Variants in GALNT2 observed in about 807,000 individuals in gnomAD.
GALNT2 encodes the protein UDP-GalNAc:polypeptide N-acetylgalactosaminyltransferase 2.
A neutral mutation model predicts 81.4 loss-of-function variants in GALNT2; 31 were observed. The ratio of observed to expected loss-of-function variants is 0.38; its 90% CI spans 0.29 to 0.51. GALNT2 has a LOEUF of 0.51. Among genes scored for constraint, GALNT2 ranks in the 20% least tolerant of loss-of-function variants. GALNT2 has a pLI of 0.87. For missense variants in GALNT2, 629 were observed against 765.7 expected, an observed-to-expected ratio of 0.82 and a Z score of 2.11; for synonymous variants, 303 against 287.4, an observed-to-expected ratio of 1.05 and a Z score of -0.55.
At position 230,271,058 on chromosome 1, in the gene GALNT2, C is replaced by T. The variant is rs1666148137; in HGVS notation, c.1441-3387C>T. 6.6e-6 allele frequency among the ~76,000 whole-genome samples: 1 copy of T among 152,222 alleles called. No individual in the cohort carries two copies. Among genetic ancestry groups the T allele is most frequent in the South Asian group, 2.1e-4 (1 of 4,834 alleles). On this transcript the variant is annotated intron_variant, in intron 14 of 15. Coordinates refer to ENST00000366672, the MANE Select transcript of GALNT2 (RefSeq NM_004481.5). The surrounding 1 kb of genome is among the most constrained non-coding windows in gnomAD (Gnocchi z 4.2). ...ACCATCCAGCATCCGCCAACACCTG[C>T]TGCCAGGGACAGTCTGGAACCCTTC...
intron 14 of GALNT2, among the ~76,000 whole-genome samples, chr1:230,266,989 GACACACACACAC>G (rs35956776): frequency 4.1e-5 from 6 of 146,678 alleles, no homozygotes; most frequent in African/African-American, 5.1e-5. Flanking sequence ...GCACGTGTGT[GACACACACACAC>G]ACACACACAC....
At chr1:230,242,848 C>T (rs527908829) in intron 6 of GALNT2, among the ~76,000 whole-genome samples, 35 of 152,290 alleles carry the variant, frequency 2.3e-4, no homozygotes, top group African/African-American at 8.4e-4. Flanking sequence ...TTATTTAGCT[C>T]CTGATAAGTC....
chr1:230,128,922 T>G (rs977278633), intron 1 of GALNT2, among the ~76,000 whole-genome samples: 2 of 152,226 alleles, frequency 1.3e-5, no homozygotes, highest in African/African-American at 4.8e-5. Context: ...CCTGGCACTT[T>G]GTGGATGTTT....
intron 1 of GALNT2, among the ~76,000 whole-genome samples, chr1:230,082,932 C>T (rs796326421): frequency 6.9e-5 from 10 of 145,276 alleles, no homozygotes; most frequent in East Asian, 4.2e-4. Context: ...ATGATGGAGC[C>T]GGGAGCTGGG....
chr1:230,139,179 C>T (rs1184369757), intron 1 of GALNT2, among the ~76,000 whole-genome samples: 1 of 152,186 alleles, frequency 6.6e-6, no homozygotes, highest in African/African-American at 2.4e-5. Flanking sequence ...CGGCTTTGGT[C>T]CCCTCACCTT....
intron 2 of GALNT2, among the ~76,000 whole-genome samples, chr1:230,179,572 A>G (rs1028785462): frequency 1.3e-5 from 2 of 152,226 alleles, no homozygotes; most frequent in African/African-American, 4.8e-5. Context: ...GCATCTTTTC[A>G]TAGGCTTATT....
chr1:230,235,232 A>G (rs1429369529), intron 3 of GALNT2, among the ~76,000 whole-genome samples: 1 of 151,720 alleles, frequency 6.6e-6, no homozygotes, highest in Non-Finnish European at 1.5e-5. Context: ...AAAAAAAAAA[A>G]AAAAAGCTAC....
intron 10 of GALNT2, 111 bp downstream of exon 10, chr1:230,250,671 T>G: frequency 1.5e-6 from 1 of 680,066 alleles, no homozygotes; most frequent in East Asian, 2.7e-5. Flanking sequence ...TTCACTGGGC[T>G]TAATCGATCC....
intron 6 of GALNT2, among the ~76,000 whole-genome samples, chr1:230,237,226 T>G (rs1422557801): frequency 6.6e-6 from 1 of 152,226 alleles, no homozygotes; most frequent in African/African-American, 2.4e-5. Context: ...GTGCTGGAGC[T>G]GAGCTCATGA....
intron 1 of GALNT2, among the ~76,000 whole-genome samples, chr1:230,142,407 G>A (rs780181938): frequency 9.9e-5 from 15 of 152,164 alleles, no homozygotes; most frequent in Non-Finnish European, 1.6e-4. Flanking sequence ...CTCAGAGGCT[G>A]TATGGTGAAG....
At chr1:230,242,119 G>A (rs1412162198) in intron 6 of GALNT2, among the ~76,000 whole-genome samples, 1 of 152,094 alleles carries the variant, frequency 6.6e-6, no homozygotes, top group Non-Finnish European at 1.5e-5. Context: ...ACATTGCAGT[G>A]GATTGGAGCG....
At chr1:230,168,992 C>A (rs932561264) in intron 1 of GALNT2, among the ~76,000 whole-genome samples, 15 of 152,030 alleles carry the variant, frequency 9.9e-5, no homozygotes, top group Non-Finnish European at 2.2e-4. Context: ...TTGTTATGAC[C>A]TTGACGGTTT....
intron 3 of GALNT2, among the ~76,000 whole-genome samples, chr1:230,235,376 A>G (rs1664995940): frequency 6.6e-6 from 1 of 152,110 alleles, no homozygotes; most frequent in Non-Finnish European, 1.5e-5. Flanking sequence ...GTTCTTCCCT[A>G]CTGCTGGAAG....
At chr1:230,202,547 G>C (rs994112500) in intron 2 of GALNT2, among the ~76,000 whole-genome samples, 7 of 152,302 alleles carry the variant, frequency 4.6e-5, no homozygotes, top group African/African-American at 1.7e-4. Context: ...CCCCTGCTGT[G>C]CATATGAGGA....
intron 1 of GALNT2, among the ~76,000 whole-genome samples, chr1:230,113,035 C>T (rs1370510550): frequency 6.6e-6 from 1 of 152,150 alleles, no homozygotes; most frequent in Non-Finnish European, 1.5e-5. Flanking sequence ...TCTGTGTGCC[C>T]TCTTGCATGT....
At chr1:230,249,928 G>T (rs1440006201) in intron 9 of GALNT2, among the ~76,000 whole-genome samples, 1 of 152,248 alleles carries the variant, frequency 6.6e-6, no homozygotes, top group Non-Finnish European at 1.5e-5. Flanking sequence ...AAAGTAGGGA[G>T]CTCAGTGTAC....
intron 1 of GALNT2, among the ~76,000 whole-genome samples, chr1:230,144,673 T>C (rs1302762487): frequency 1.3e-5 from 2 of 152,040 alleles, no homozygotes; most frequent in African/African-American, 4.8e-5. Flanking sequence ...TTAGGGGTGG[T>C]AGTGGTGTGT....
chr1:230,066,832 G>C (rs1414539658), upstream of GALNT2, among the ~76,000 whole-genome samples: 1 of 151,982 alleles, frequency 6.6e-6, no homozygotes, highest in Non-Finnish European at 1.5e-5. Context: ...CTCCAGTCGG[G>C]TCCCGGGGCA....
chr1:230,143,232 G>A (rs6681042), intron 1 of GALNT2, among the ~76,000 whole-genome samples: 117,657 of 152,038 alleles, frequency 0.77, 46,063 homozygotes, highest in Admixed American at 0.8. Context: ...GCTTTGGGCA[G>A]GGTCCTCACT....
Sources: allele counts gnomAD v4.1 joint callset (sites outside exome capture counted in the v4.1 genomes callset), GRCh38; gene constraint gnomAD v4.1.1; non-coding constraint Gnocchi (gnomAD v3.1); transcripts MANE v1.5; gene names NCBI Gene and HGNC (gene_info 2026-07-23, HGNC 2026-07-21).